DRC2: variants seen among roughly 807,000 people sequenced by gnomAD.
DRC2 encodes the protein coiled-coil domain containing 65.
the DRC2 span, among the ~76,000 whole-genome samples, chr12:48,909,004 C>A: frequency 2.0e-5 from 3 of 150,632 alleles, no homozygotes; most frequent in African/African-American, 7.3e-5. Flanking sequence ...TCAAAGCCCT[C>A]ATGATCTGGT....
At chr12:48,917,814 T>G in the DRC2 span, among the ~76,000 whole-genome samples, 1 of 152,200 alleles carries the variant, frequency 6.6e-6, no homozygotes, top group Non-Finnish European at 1.5e-5. Flanking sequence ...TGCTTTCCAC[T>G]GTCCTCGAGG....
chr12:48,906,943 C>T, the DRC2 span, among the ~76,000 whole-genome samples: 30 of 151,672 alleles, frequency 2.0e-4, no homozygotes, highest in African/African-American at 3.1e-4. Flanking sequence ...GGGCCAGGCA[C>T]GGTGGCTCAA....
At chr12:48,915,760 G>A in the DRC2 span, among the ~76,000 whole-genome samples, 9 of 151,014 alleles carry the variant, frequency 6.0e-5, no homozygotes, top group Non-Finnish European at 8.9e-5. Context: ...CGGATGGGGC[G>A]GCTGGCCGGG....
the DRC2 span, chr12:48,904,509 C>A: frequency 6.3e-7 from 1 of 1,592,304 alleles, no homozygotes; most frequent in African/African-American, 1.4e-5. Context: ...ACCCCATCCA[C>A]CCCCTGCCCT....
At chr12:48,906,396 C>T in the DRC2 span, among the ~76,000 whole-genome samples, 1 of 151,198 alleles carries the variant, frequency 6.6e-6, no homozygotes, top group African/African-American at 2.4e-5. Context: ...CTCCGCCTCC[C>T]GAGTTCAGCC....
At chr12:48,905,209 G>T in the DRC2 span, 2 of 1,119,440 alleles carry the variant, frequency 1.8e-6, no homozygotes, top group Non-Finnish European at 2.5e-6. Context: ...ACAAGACACA[G>T]GCTGTGAGAA....
the DRC2 span, chr12:48,918,574 G>A: frequency 1.3e-6 from 2 of 1,486,360 alleles, no homozygotes; most frequent in South Asian, 2.4e-5. Context: ...ATCATTGGTT[G>A]GGAAAAGATG....
chr12:48,917,123 T>A, the DRC2 span: 2 of 1,610,844 alleles, frequency 1.2e-6, no homozygotes, highest in African/African-American at 2.7e-5. Context: ...GGAGGGAGAG[T>A]AGATAGGCAA....
At chr12:48,915,105 A>G in the DRC2 span, among the ~76,000 whole-genome samples, 1 of 97,470 alleles carries the variant, frequency 1.0e-5, no homozygotes, top group Non-Finnish European at 2.0e-5. Context: ...CCAACTACCC[A>G]CTTTCTTTCT....
the DRC2 span, among the ~76,000 whole-genome samples, chr12:48,906,032 A>G: frequency 6.6e-6 from 1 of 152,172 alleles, no homozygotes; most frequent in Admixed American, 6.6e-5. Context: ...TGGCCTCCCA[A>G]AGTGCTGGGA....
chr12:48,921,457 C>T, the DRC2 span: 8 of 1,599,006 alleles, frequency 5.0e-6, no homozygotes, highest in Admixed American at 1.7e-5. Context: ...ATAATTGAAG[C>T]AGCCCAGATG....
chr12:48,918,291 ACTTT>A, the DRC2 span: 1 of 1,614,092 alleles, frequency 6.2e-7, no homozygotes, highest in Non-Finnish European at 8.5e-7. Flanking sequence ...GAAGAGAAGC[ACTTT>A]CTAAGACTGC....
the DRC2 span, chr12:48,904,139 G>A: frequency 1.6e-6 from 1 of 636,614 alleles, no homozygotes; most frequent in Admixed American, 2.8e-5. Context: ...GACTAGACGC[G>A]TCTTACAGTG....
the DRC2 span, among the ~76,000 whole-genome samples, chr12:48,908,635 G>C: frequency 6.7e-6 from 1 of 148,634 alleles, no homozygotes; most frequent in African/African-American, 2.5e-5. Flanking sequence ...TTTTTAGACA[G>C]AGTCACCCAG....
chr12:48,919,011 A>G, the DRC2 span: 1 of 743,058 alleles, frequency 1.3e-6, no homozygotes, highest in South Asian at 1.8e-5. Context: ...TTCCTGGCTG[A>G]GTGGACACTT....
chr12:48,920,953 T>C, the DRC2 span: 1 of 1,613,212 alleles, frequency 6.2e-7, no homozygotes, highest in East Asian at 2.2e-5. Context: ...TTAAACTTGC[T>C]GAAATATGTA....
chr12:48,913,749 C>A, the DRC2 span, among the ~76,000 whole-genome samples: 1 of 152,052 alleles, frequency 6.6e-6, no homozygotes, highest in Non-Finnish European at 1.5e-5. Context: ...CCCGCCTTGG[C>A]CTCCCAAAGT....
chr12:48,921,392 C>T, the DRC2 span: 3 of 1,614,042 alleles, frequency 1.9e-6, no homozygotes, highest in Non-Finnish European at 2.5e-6. Context: ...TACTCCAGCC[C>T]TTGTCCATAC....
At chr12:48,918,183 C>A in the DRC2 span, 6 of 1,205,082 alleles carry the variant, frequency 5.0e-6, no homozygotes, top group African/African-American at 3.0e-5. Flanking sequence ...AACTATGCTA[C>A]AAACAGTTCA....
Sources: gnomAD v4.1 joint callset for allele counts (sites outside exome capture counted in the v4.1 genomes callset) on GRCh38, gnomAD v4.1.1 for gene constraint, MANE v1.5 for transcripts, NCBI Gene and HGNC (gene_info 2026-07-23, HGNC 2026-07-21) for gene names.